The following NID1 variants were observed in gnomAD, a reference collection of about 807,000 sequenced individuals.
The protein encoded by NID1 is nidogen 1.
Under a neutral mutation model 130.6 loss-of-function variants are expected in NID1, and 76 were observed. The ratio of observed to expected loss-of-function variants is 0.58; its 90% CI spans 0.48 to 0.70. The LOEUF (loss-of-function observed/expected upper bound fraction) is 0.70. Ranked by LOEUF, NID1 falls within the 30% of genes least tolerant of loss-of-function variation. The pLI is 0.00. For missense variants in NID1, 1,517 were observed against 1,664.8 expected (o/e 0.91, Z 1.54); for synonymous variants, 665 against 675.1 (o/e 0.98, Z 0.23).
intron 13 of NID1, 79 bp from the exon 14 acceptor site, chr1:235,991,137 A>G: frequency 8.2e-7 from 1 of 1,224,780 alleles, no homozygotes; most frequent in Non-Finnish European, 1.1e-6. Flanking sequence ...ACCCCCACAC[A>G]CATGCACGCA....
intron 6 of NID1, among the ~76,000 whole-genome samples, chr1:236,031,948 C>T (rs1435423173): frequency 6.6e-6 from 1 of 152,190 alleles, no homozygotes; most frequent in Non-Finnish European, 1.5e-5. Context: ...TGGCAGGTTC[C>T]TTCTCTCTGA....
intron 13 of NID1, among the ~76,000 whole-genome samples, chr1:235,991,752 C>T (rs1449581958): frequency 2.6e-5 from 4 of 152,214 alleles, no homozygotes; most frequent in African/African-American, 4.8e-5. Context: ...ACAGCGAAAA[C>T]AGCATCCCTG....
At chr1:236,040,446 A>T (rs1461627054) in intron 4 of NID1, among the ~76,000 whole-genome samples, 1 of 152,200 alleles carries the variant, frequency 6.6e-6, no homozygotes, top group Non-Finnish European at 1.5e-5. Flanking sequence ...GCTGTGAGAT[A>T]AATCAGAACA....
chr1:235,979,134 GA>G lies in NID1; in HGVS notation c.3510-28del. 7.0e-7 allele frequency: 1 copy of G among 1,428,356 alleles called. No individual in the cohort carries two copies. The highest frequency in any genetic ancestry group is 1.1e-5 in the South Asian group (1 of 87,224). 88.5% of individuals were successfully genotyped at this position (1,428,356 alleles called of 1,614,324 possible). A position where few individuals can be genotyped will look rare whatever the true frequency, so the allele number is the denominator to read the frequency against. Reference sequence around the variant, plus strand: ...TACAAAGCACCAAAGGGCAGAAGGTGAAAACACATCTGATGGCTTGAACTTG... The same window carrying G: ...TACAAAGCACCAAAGGGCAGAAGGTGAAACACATCTGATGGCTTGAACTTG... On this transcript the variant is annotated intron_variant, in intron 18 of 19. Transcript: ENST00000264187. This position sits in a 1 kb window ranked among gnomAD's most constrained non-coding sequence, Gnocchi z 4.6.
At chr1:236,006,602 A>G (rs1017333831) in intron 12 of NID1, among the ~76,000 whole-genome samples, 2 of 152,230 alleles carry the variant, frequency 1.3e-5, no homozygotes, top group Non-Finnish European at 2.9e-5. Flanking sequence ...ATAGATAGAA[A>G]AATGAGCAGC....
At chr1:236,052,676 C>T (rs1039250216) in intron 1 of NID1, among the ~76,000 whole-genome samples, 1 of 152,318 alleles carries the variant, frequency 6.6e-6, no homozygotes, top group Middle Eastern at 3.4e-3. Context: ...GTCTGCATGG[C>T]TTTTCTCTGA....
At chr1:235,985,086 G>A (rs1229390510) in intron 15 of NID1, among the ~76,000 whole-genome samples, 1 of 151,814 alleles carries the variant, frequency 6.6e-6, no homozygotes, top group Non-Finnish European at 1.5e-5. Flanking sequence ...CCAGCTACTC[G>A]AGAGGCTGAG....
intron 19 of NID1, 37 bp from the exon 20 acceptor site, chr1:235,978,025 C>A (rs1466062363): frequency 6.2e-7 from 1 of 1,607,834 alleles, no homozygotes; most frequent in Non-Finnish European, 8.5e-7. Flanking sequence ...AGCCCTCTCT[C>A]TGATCTGACT....
chr1:236,002,503 AAAACAAACAAACAAAC>A lies in NID1; in HGVS notation c.2528-8647_2528-8632del, dbSNP rs71174487. Among the ~76,000 whole-genome samples, 834 of 150,698 alleles carry A rather than the reference AAAACAAACAAACAAAC, an allele frequency of 5.5e-3. 17 individuals are homozygous for A. The East Asian group carries it at 0.069, about 12-fold the overall frequency. ...GAGCAACAGAGCGAGACTCTGTCTA[AAAACAAACAAACAAAC>A]AAACAAACAAACAAAAAATGACGAT... is the stretch of plus-strand genomic sequence containing the variant. On this transcript the variant is annotated intron_variant, in intron 12 of 19. Coordinates refer to ENST00000264187, the MANE Select transcript of NID1 (RefSeq NM_002508.3).
At chr1:236,047,637 A>G (rs991856845) in intron 2 of NID1, among the ~76,000 whole-genome samples, 1 of 152,082 alleles carries the variant, frequency 6.6e-6, no homozygotes, top group Non-Finnish European at 1.5e-5. Context: ...TGTCTCCCCA[A>G]CTAGAGTCTG....
At position 235,980,532 on chromosome 1, in the gene NID1, C is replaced by T. The variant is rs749137007; in HGVS notation, c.3349G>A (p.Asp1117Asn). The T allele has an allele frequency of 3.7e-6, 6 of 1,614,034 alleles. No individual in the cohort carries two copies. The highest frequency in any genetic ancestry group is 2.2e-5 in the East Asian group (1 of 44,888). The change falls in exon 17 of 20, where the codon GAT (aspartate) becomes AAT (asparagine). Residue 1117 changes from aspartate (D) to asparagine (N), a missense_variant. Asp to Asn is a conservative substitution (Grantham distance 23). Around this residue, in one of 3 missense-constraint regions of NID1, gnomAD observed 181 missense variants for 211.3 expected, o/e 0.86. Coordinates refer to ENST00000264187, the MANE Select transcript of NID1 (RefSeq NM_002508.3). Reference protein sequence around the residue: ...DLGLPNGLTFDAFSSQLCWVD... With the variant: ...DLGLPNGLTFNAFSSQLCWVD... ...CAGCAGAGCTGAGATGAGAACGCAT[C>T]GAAGGTCAGTCCATTGGGCAAGCCC... is the stretch of plus-strand genomic sequence containing the variant.
chr1:236,054,502 G>A (rs1162751015), intron 1 of NID1, among the ~76,000 whole-genome samples: 1 of 152,142 alleles, frequency 6.6e-6, no homozygotes, highest in Non-Finnish European at 1.5e-5. Context: ...TAATGTGTGG[G>A]CTTTGTCTGG....
At chr1:236,002,133 G>T (rs757313051) in intron 12 of NID1, among the ~76,000 whole-genome samples, 22 of 152,224 alleles carry the variant, frequency 1.4e-4, no homozygotes, top group Admixed American at 2.6e-4. Flanking sequence ...GGCTGGCTGT[G>T]GTCTGGACAG....
chr1:236,037,932 G>A (rs1446855757), intron 5 of NID1, among the ~76,000 whole-genome samples, 172 bp downstream of exon 5: 4 of 152,138 alleles, frequency 2.6e-5, no homozygotes, highest in Non-Finnish European at 5.9e-5. Flanking sequence ...CCTGGGGGAT[G>A]CCTGTAGAGA....
chr1:236,044,588 C>A (rs1000437060), intron 3 of NID1, among the ~76,000 whole-genome samples: 1 of 152,100 alleles, frequency 6.6e-6, no homozygotes, highest in African/African-American at 2.4e-5. Flanking sequence ...AGTTGTTAAG[C>A]ATTTACCAGC....
At position 236,051,143 on chromosome 1, in the gene NID1, G is replaced by A. The variant is rs749493407; in HGVS notation, c.226-2154C>T. On this transcript the variant is annotated intron_variant, in intron 1 of 19. Transcript: ENST00000264187. The stretch of plus-strand genomic sequence containing the variant: ...TCAAAAGGGAGAGATTTTGCAAATG[G>A]CACTTTATTTTGCTCTTTAAGGGCT... 6.6e-5 allele frequency among the ~76,000 whole-genome samples: 10 copies of A among 152,230 alleles called. No homozygotes were observed. The South Asian group carries it at 1.2e-3, about 19-fold the overall frequency.
chr1:236,061,997 G>A (rs373601947), intron 1 of NID1, among the ~76,000 whole-genome samples: 6 of 152,098 alleles, frequency 3.9e-5, no homozygotes, highest in African/African-American at 9.7e-5. Context: ...TGGTGCTGTC[G>A]CTTTGGAAAA....
rs143163541 is a variant in NID1 at position 236,058,761 on chromosome 1, T to C, written c.225+6094A>G. On this transcript the variant is annotated intron_variant, in intron 1 of 19. Coordinates refer to ENST00000264187, the MANE Select transcript of NID1 (RefSeq NM_002508.3). ...AGTAACAGGCTGCTTTCTGCAATAG[T>C]CTAGGGGGAGCCTTCTCCAAAACAT... 1.1e-3 allele frequency among the ~76,000 whole-genome samples: 164 copies of C among 152,246 alleles called. 1 individual carries two copies. The highest frequency in any genetic ancestry group is 0.01 in the Middle Eastern group (3 of 294).
At chr1:236,038,378 A>T in intron 4 of NID1, 125 bp from the exon 5 acceptor site, 2 of 970,852 alleles carry the variant, frequency 2.1e-6, no homozygotes, top group South Asian at 4.2e-5. Flanking sequence ...TCAAGGGACC[A>T]GGCTCACTAC....
Sources: allele counts gnomAD v4.1 joint callset (sites outside exome capture counted in the v4.1 genomes callset), GRCh38; gene constraint gnomAD v4.1.1; regional missense constraint gnomAD v4.1.1; non-coding constraint Gnocchi (gnomAD v3.1); transcripts MANE v1.5; gene names NCBI Gene and HGNC (gene_info 2026-07-23, HGNC 2026-07-21).